Variants in SPATS2L observed in about 807,000 individuals in gnomAD.
SPATS2L encodes the protein spermatogenesis associated serine rich 2 like, also known as SPATS2-like protein.
SPATS2L carries 30 observed loss-of-function variants against 59.6 expected under a neutral mutation model. The ratio of observed to expected loss-of-function variants is 0.50; its 90% confidence interval spans 0.38 to 0.68. SPATS2L has a LOEUF of 0.68. Ranked by LOEUF, SPATS2L falls within the 30% of genes least tolerant of loss-of-function variation. The pLI is 0.00. For synonymous variants in SPATS2L, 252 were observed against 263.5 expected (o/e 0.96, Z 0.42); for missense variants, 615 against 700.0 (o/e 0.88, Z 1.37).
chr2:200,394,303 A>G (rs1442629385), intron 3 of SPATS2L, among the ~76,000 whole-genome samples: 1 of 152,088 alleles, frequency 6.6e-6, no homozygotes, highest in Non-Finnish European at 1.5e-5. Context: ...CCTCCTTTGC[A>G]AAGGCTGTTT....
At chr2:200,336,407 TAA>T (rs954483205) in intron 2 of SPATS2L, among the ~76,000 whole-genome samples, 1 of 152,038 alleles carries the variant, frequency 6.6e-6, no homozygotes, top group Admixed American at 6.6e-5. Flanking sequence ...TATATGAATT[TAA>T]AAAAAAAGAC....
At chr2:200,440,530 T>G in intron 7 of SPATS2L, 119 bp from the exon 8 acceptor site, 3 of 988,446 alleles carry the variant, frequency 3.0e-6, no homozygotes, top group Non-Finnish European at 4.4e-6. Context: ...TGATGGAACT[T>G]TTACTAGACA....
At chr2:200,398,678 G>T (rs1380657387) in intron 3 of SPATS2L, among the ~76,000 whole-genome samples, 1 of 152,136 alleles carries the variant, frequency 6.6e-6, no homozygotes, top group Non-Finnish European at 1.5e-5. Flanking sequence ...AGTTCATGTA[G>T]ATGAACTCCA....
rs79648041 is a variant in SPATS2L, at chr2:200,360,967, C to G, written c.-22-28256C>G. 4.7e-3 allele frequency among the ~76,000 whole-genome samples: 653 copies of G among 140,418 alleles called. 7 individuals are homozygous for G. The highest frequency in any genetic ancestry group is 0.016 in the African/African-American group (617 of 38,070). 92.1% of individuals were successfully genotyped at this position (140,418 alleles called of 152,430 possible). A position where few individuals can be genotyped will look rare whatever the true frequency, so the allele number is the denominator to read the frequency against. On this transcript the variant is annotated intron_variant, in intron 2 of 12. Transcript: ENST00000409140. ...TAGAACAGAACAGAGCAGAACAGGG[C>G]TGTGTGTGTGTGTGTGTGTGTGTGT...
intron 2 of SPATS2L, among the ~76,000 whole-genome samples, chr2:200,360,577 G>T (rs990479388): frequency 3.9e-5 from 6 of 152,194 alleles, no homozygotes; most frequent in Non-Finnish European, 4.4e-5. Flanking sequence ...GAGGAAGGGG[G>T]GTTACCCTGT....
At chr2:200,350,996 C>T (rs535009494) in intron 2 of SPATS2L, among the ~76,000 whole-genome samples, 27 of 152,278 alleles carry the variant, frequency 1.8e-4, no homozygotes, top group African/African-American at 6.3e-4. Context: ...ACAAAGATCA[C>T]ACCATATGTT....
At chr2:200,337,802 T>C (rs1259755310) in intron 2 of SPATS2L, among the ~76,000 whole-genome samples, 1 of 152,214 alleles carries the variant, frequency 6.6e-6, no homozygotes, top group Non-Finnish European at 1.5e-5. Flanking sequence ...CTCAAAGATT[T>C]AGCAAGACAT....
intron 2 of SPATS2L, among the ~76,000 whole-genome samples, chr2:200,351,902 CTGTT>C (rs2080747914): frequency 6.6e-6 from 1 of 152,108 alleles, no homozygotes; most frequent in African/African-American, 2.4e-5. Context: ...TCTTGTCAAT[CTGTT>C]TGAGTGTTGT....
At chr2:200,369,038 A>C (rs1282794367) in intron 2 of SPATS2L, among the ~76,000 whole-genome samples, 3 of 151,542 alleles carry the variant, frequency 2.0e-5, no homozygotes, top group Non-Finnish European at 2.9e-5. Context: ...CTAACAGTCC[A>C]TAACTGTTTG....
intron 2 of SPATS2L, among the ~76,000 whole-genome samples, chr2:200,346,619 A>G (rs1368641553): frequency 6.6e-6 from 1 of 152,196 alleles, no homozygotes; most frequent in African/African-American, 2.4e-5. Context: ...GGCATTCTTT[A>G]TATCCTCTAA....
chr2:200,330,904 C>T (rs2079922044), intron 2 of SPATS2L, among the ~76,000 whole-genome samples: 1 of 152,232 alleles, frequency 6.6e-6, no homozygotes, highest in African/African-American at 2.4e-5. Flanking sequence ...CTGCTTATCC[C>T]AGAACGGTGA....
At chr2:200,409,142 G>A (rs1156457034) in intron 3 of SPATS2L, among the ~76,000 whole-genome samples, 2 of 152,184 alleles carry the variant, frequency 1.3e-5, no homozygotes, top group Admixed American at 6.5e-5. Context: ...GTGAAGCTGC[G>A]CCAGAAACAG....
rs1339795033 is a variant in SPATS2L at position 200,472,994 on chromosome 2, T to C, written c.1223T>C (p.Val408Ala). Residue 408 changes from valine to alanine, a missense_variant, in exon 12 of 13, where the codon GTG becomes GCG. By Grantham distance (64) the Val-to-Ala change is moderately conservative. Around this residue, in one of 3 missense-constraint regions of SPATS2L, gnomAD observed 284 missense variants for 280.1 expected, o/e 1.01. Transcript: ENST00000409140. The part of the protein sequence containing the change: ...SEGKAANPKM[V>A]SSLPSTADPS... ...GGCAAAGCGGCAAACCCCAAAATGG[T>C]GAGCAGTCTCCCCAGCACCGCCGAC... is the stretch of plus-strand genomic sequence containing the variant. 2 of 1,612,346 alleles carry C rather than the reference T, an allele frequency of 1.2e-6. No homozygotes were observed. Among genetic ancestry groups the C allele is most frequent in the South Asian group, 1.1e-5 (1 of 91,034 alleles).
intron 6 of SPATS2L, among the ~76,000 whole-genome samples, chr2:200,424,999 T>A (rs185696296): frequency 6.6e-6 from 1 of 152,234 alleles, no homozygotes; most frequent in East Asian, 1.9e-4. Context: ...AGCCCTGTCG[T>A]TTTTACCTTA....
intron 2 of SPATS2L, among the ~76,000 whole-genome samples, chr2:200,356,430 T>TA (rs1346473165): frequency 6.6e-6 from 1 of 151,960 alleles, no homozygotes; most frequent in Admixed American, 6.6e-5. Context: ...AAGCCAGAAG[T>TA]AAAAAAATGG....
intron 3 of SPATS2L, chr2:200,393,196 G>A: frequency 2.2e-6 from 1 of 456,690 alleles, no homozygotes; most frequent in East Asian, 6.9e-5. Flanking sequence ...TTGGACCATG[G>A]AAAGGAAAAG....
intron 8 of SPATS2L, among the ~76,000 whole-genome samples, chr2:200,455,188 T>A (rs1390441040): frequency 6.6e-6 from 1 of 152,242 alleles, no homozygotes; most frequent in Non-Finnish European, 1.5e-5. Context: ...ATATGTTGTC[T>A]TCCCTTATAT....
At chr2:200,363,569 C>T (rs757026418) in intron 2 of SPATS2L, among the ~76,000 whole-genome samples, 3 of 152,086 alleles carry the variant, frequency 2.0e-5, no homozygotes, top group South Asian at 2.1e-4. Flanking sequence ...CAAGGACATT[C>T]ATTATTTTAA....
At chr2:200,463,856 C>T (rs1375603741) in intron 9 of SPATS2L, among the ~76,000 whole-genome samples, 2 of 152,228 alleles carry the variant, frequency 1.3e-5, no homozygotes, top group Non-Finnish European at 2.9e-5. Flanking sequence ...GCTCCTGGCC[C>T]CTGGCCCCCA....
Sources: allele counts gnomAD v4.1 joint callset (sites outside exome capture counted in the v4.1 genomes callset), GRCh38; gene constraint gnomAD v4.1.1; regional missense constraint gnomAD v4.1.1; transcripts MANE v1.5; gene names NCBI Gene and HGNC (gene_info 2026-07-23, HGNC 2026-07-21).